ADCY2: variants seen among roughly 807,000 people sequenced by gnomAD.
ADCY2 encodes adenylate cyclase type 2.
A neutral mutation model predicts 125.2 loss-of-function variants in ADCY2; 31 were observed. The ratio of observed to expected loss-of-function variants is 0.25; its 90% CI spans 0.19 to 0.33. The LOEUF (loss-of-function observed/expected upper bound fraction) is 0.33, where lower values mean the gene tolerates loss of function less well. Among genes scored for constraint, ADCY2 ranks in the 10% least tolerant of loss-of-function variants. The pLI is 1.00. For synonymous variants in ADCY2, 512 were observed against 548.4 expected (o/e 0.93, Z 0.93); for missense variants, 904 against 1,418.2 (o/e 0.64, Z 5.82).
At chr5:7,735,003 C>G (rs1172947901) in intron 14 of ADCY2, among the ~76,000 whole-genome samples, 1 of 152,178 alleles carries the variant, frequency 6.6e-6, no homozygotes, top group African/African-American at 2.4e-5. Context: ...TCTCCACCTT[C>G]ATGACCCAGT....
intron 14 of ADCY2, among the ~76,000 whole-genome samples, chr5:7,732,796 GA>G: frequency 6.6e-6 from 1 of 152,300 alleles, no homozygotes; most frequent in East Asian, 1.9e-4. Context: ...TTGTTACCTG[GA>G]AAGGACCACT....
chr5:7,818,339 T>C (rs1400493199), intron 23 of ADCY2, among the ~76,000 whole-genome samples: 1 of 146,986 alleles, frequency 6.8e-6, no homozygotes, highest in Admixed American at 6.6e-5. Context: ...AATCATATTT[T>C]TCTTTTTCTT....
rs530682345 is a variant in ADCY2, at chr5:7,827,276, G to A, written c.*405G>A. 8.8e-5 allele frequency: 15 copies of A among 170,930 alleles called. No individual in the cohort carries two copies. The South Asian group carries it at 1.1e-3, about 12-fold the overall frequency. The allele number at this position is 170,930 out of a possible 1,614,324, so 10.6% of individuals were successfully genotyped here. ...TCTGATATTCAAACACACAGTATTCGTGAATAAGTTGATTCTGTCCCCCAC... is the reference window on the plus strand; with the variant it reads ...TCTGATATTCAAACACACAGTATTCATGAATAAGTTGATTCTGTCCCCCAC... On this transcript the variant is annotated 3_prime_UTR_variant, in exon 25 of 25. Transcript: ENST00000338316.
At chr5:7,589,462 G>GA (rs1554022177) in intron 3 of ADCY2, among the ~76,000 whole-genome samples, 2 of 34,204 alleles carry the variant, frequency 5.8e-5, no homozygotes, top group Non-Finnish European at 1.3e-4. Flanking sequence ...GAAAGAAAAA[G>GA]AAAGAAAGAA....
chr5:7,781,116 C>T (rs947457812), intron 18 of ADCY2, among the ~76,000 whole-genome samples: 2 of 152,134 alleles, frequency 1.3e-5, no homozygotes, highest in African/African-American at 4.8e-5. Context: ...CTTCATAACT[C>T]AATGACGGTG....
intron 4 of ADCY2, among the ~76,000 whole-genome samples, chr5:7,657,757 C>T (rs1359385785): frequency 6.6e-6 from 1 of 152,196 alleles, no homozygotes; most frequent in African/African-American, 2.4e-5. Flanking sequence ...GTCTCCTCAC[C>T]ATGAGGTTTC....
chr5:7,660,304 G>A (rs1423038650), intron 4 of ADCY2, among the ~76,000 whole-genome samples: 4 of 150,942 alleles, frequency 2.7e-5, no homozygotes, highest in South Asian at 4.2e-4. Context: ...AGGAAGGACT[G>A]TGAGAAAGGA....
intron 2 of ADCY2, among the ~76,000 whole-genome samples, chr5:7,504,457 A>G (rs1204557063): frequency 6.6e-6 from 1 of 152,194 alleles, no homozygotes; most frequent in Non-Finnish European, 1.5e-5. Flanking sequence ...GGACTCTGGA[A>G]CACAACGCCT....
intron 3 of ADCY2, among the ~76,000 whole-genome samples, chr5:7,591,443 A>G (rs1435120617): frequency 6.6e-6 from 1 of 152,174 alleles, no homozygotes; most frequent in Non-Finnish European, 1.5e-5. Flanking sequence ...GGCACCTCCC[A>G]TCCATGGGCT....
intron 12 of ADCY2, among the ~76,000 whole-genome samples, chr5:7,721,176 T>C (rs1741745744): frequency 1.3e-5 from 2 of 152,244 alleles, no homozygotes; most frequent in South Asian, 2.1e-4. Flanking sequence ...CATGTGTCTG[T>C]TGGCTGCATA....
chr5:7,635,673 C>T (rs1183521636), intron 4 of ADCY2, among the ~76,000 whole-genome samples: 1 of 152,078 alleles, frequency 6.6e-6, no homozygotes, highest in Non-Finnish European at 1.5e-5. Flanking sequence ...TTTCAAGCTA[C>T]AGGACCAGAT....
chr5:7,739,886 A>G (rs1442989435), intron 14 of ADCY2, among the ~76,000 whole-genome samples: 4 of 152,020 alleles, frequency 2.6e-5, no homozygotes, highest in South Asian at 4.1e-4. Flanking sequence ...TTAACTGTGC[A>G]TGTATCTATT....
At chr5:7,781,186 A>AGAAAGAGAGAGG (rs1560987000) in intron 18 of ADCY2, among the ~76,000 whole-genome samples, 2 of 152,158 alleles carry the variant, frequency 1.3e-5, no homozygotes, top group East Asian at 1.9e-4. Context: ...GGAGAGAGAG[A>AGAAAGAGAGAGG]GAAAGAGAGA....
At chr5:7,731,544 C>T (rs908639067) in intron 14 of ADCY2, among the ~76,000 whole-genome samples, 13 of 148,732 alleles carry the variant, frequency 8.7e-5, no homozygotes, top group East Asian at 2.0e-4. Flanking sequence ...CATGAGCCAC[C>T]GCACCTGGCC....
intron 3 of ADCY2, among the ~76,000 whole-genome samples, chr5:7,579,356 C>G (rs1308711832): frequency 6.6e-6 from 1 of 152,102 alleles, no homozygotes. Context: ...CTGGATTATA[C>G]TACTGGAAGA....
At chr5:7,665,828 CTTTTTTTTTTTTTTTT>C (rs70940750) in intron 4 of ADCY2, among the ~76,000 whole-genome samples, 13 of 38,618 alleles carry the variant, frequency 3.4e-4, no homozygotes, top group Admixed American at 1.3e-3. Flanking sequence ...TAATTTAATT[CTTTTTTTTTTTTTTTT>C]TTTTTTTTTT....
At chr5:7,631,112 C>T (rs547733440) in intron 4 of ADCY2, among the ~76,000 whole-genome samples, 58 of 152,170 alleles carry the variant, frequency 3.8e-4, no homozygotes, top group African/African-American at 1.4e-3. Flanking sequence ...TTTGATTCTG[C>T]TGTTGCATCT....
chr5:7,601,681 A>T (rs1014211108), intron 3 of ADCY2, among the ~76,000 whole-genome samples: 3 of 152,076 alleles, frequency 2.0e-5, no homozygotes, highest in African/African-American at 7.2e-5. Flanking sequence ...GTCTGTCATC[A>T]TGTTCCTTCC....
intron 4 of ADCY2, among the ~76,000 whole-genome samples, chr5:7,680,113 G>T (rs1206629292): frequency 6.6e-6 from 1 of 152,122 alleles, no homozygotes; most frequent in Non-Finnish European, 1.5e-5. Context: ...CAGAGGAGAA[G>T]TCTTATATTT....
Sources: gnomAD v4.1 joint callset for allele counts (sites outside exome capture counted in the v4.1 genomes callset) on GRCh38, gnomAD v4.1.1 for gene constraint, MANE v1.5 for transcripts, NCBI Gene and HGNC (gene_info 2026-07-23, HGNC 2026-07-21) for gene names.